Variants in IPO7 observed in about 807,000 individuals in gnomAD.
IPO7 encodes importin 7.
IPO7 carries 13 observed loss-of-function variants against 136.4 expected under a neutral mutation model. The observed-to-expected ratio is 0.10, with a 90% CI of 0.06 to 0.15. The LOEUF (loss-of-function observed/expected upper bound fraction) is 0.15, where lower values mean the gene tolerates loss of function less well. IPO7 is among the 10% of genes least tolerant of loss of function. The pLI, the probability that IPO7 is intolerant of heterozygous loss-of-function variation, is 1.00. For synonymous variants in IPO7, 403 were observed against 404.4 expected (o/e 1.00, Z 0.04); for missense variants, 857 against 1,240.6 (o/e 0.69, Z 4.65).
Position 9,425,207 on chromosome 11 carries a change from G to T in IPO7, c.1280G>T (p.Arg427Leu). The T allele has an allele frequency of 6.2e-7, 1 of 1,612,102 alleles. No individual in the cohort carries two copies. ...CTTACAGAACCAAATGCTGACCCTC[G>T]AAAAAAAGATGGAGCCCTGCATATG... Reference protein sequence around the residue: ...QILTEPNADPRKKDGALHMIG... With the variant: ...QILTEPNADPLKKDGALHMIG... The change falls in exon 12 of 25, where the codon CGA (arginine) becomes CTA (leucine). Residue 427 changes from arginine to leucine, a missense_variant. Arg to Leu is a moderately radical substitution (Grantham distance 102). Around this residue, in one of 11 missense-constraint regions of IPO7, gnomAD observed 127 missense variants for 222.4 expected, o/e 0.57. Transcript: ENST00000379719.
At chr11:9,384,872 C>T (rs1330872261) in intron 1 of IPO7, 25 bp downstream of exon 1, 16 of 1,562,496 alleles carry the variant, frequency 1.0e-5, no homozygotes, top group East Asian at 2.4e-5. Context: ...CTAGCGGTGG[C>T]GGCGGGCAGG....
At chr11:9,431,130 A>G in intron 16 of IPO7, 127 bp downstream of exon 16, 2 of 615,624 alleles carry the variant, frequency 3.2e-6, no homozygotes, top group South Asian at 5.6e-5. Flanking sequence ...TAAGATTGGT[A>G]CATTATATTT....
intron 4 of IPO7, among the ~76,000 whole-genome samples, chr11:9,412,992 G>A (rs1301327843): frequency 6.9e-6 from 1 of 144,656 alleles, no homozygotes; most frequent in Non-Finnish European, 1.5e-5. Flanking sequence ...CCATTCTCCT[G>A]CCTCAGCCTC....
intron 16 of IPO7, among the ~76,000 whole-genome samples, chr11:9,431,430 G>A (rs1855292485): frequency 6.7e-6 from 1 of 149,442 alleles, no homozygotes; most frequent in South Asian, 2.1e-4. Flanking sequence ...TTCTTTTCTA[G>A]TTGTCTTTTG....
intron 3 of IPO7, among the ~76,000 whole-genome samples, chr11:9,409,477 G>A (rs1416336063): frequency 6.6e-6 from 1 of 151,758 alleles, no homozygotes; most frequent in Non-Finnish European, 1.5e-5. Context: ...TAAAACTTGT[G>A]GGCCGGGCAC....
intron 1 of IPO7, among the ~76,000 whole-genome samples, chr11:9,393,866 A>G (rs1854672189): frequency 6.6e-6 from 1 of 152,040 alleles, no homozygotes; most frequent in Non-Finnish European, 1.5e-5. Context: ...TTGGAAAAGT[A>G]ATTTCTAATT....
chr11:9,410,684 G>T (rs1854955871), intron 4 of IPO7, among the ~76,000 whole-genome samples: 1 of 152,150 alleles, frequency 6.6e-6, no homozygotes, highest in Non-Finnish European at 1.5e-5. Context: ...TTGTTTTAGG[G>T]ATCAGGAAAA....
intron 8 of IPO7, 59 bp from the exon 9 acceptor site, chr11:9,422,947 T>C: frequency 9.0e-7 from 1 of 1,113,058 alleles, no homozygotes; most frequent in South Asian, 1.9e-5. Flanking sequence ...TTTACTGGCT[T>C]GTAAGTGGTT....
intron 1 of IPO7, among the ~76,000 whole-genome samples, chr11:9,391,833 A>T (rs915566973): frequency 6.6e-6 from 1 of 152,114 alleles, no homozygotes; most frequent in Non-Finnish European, 1.5e-5. Context: ...TAGTATGAAC[A>T]TGGCTCACGG....
At chr11:9,434,618 C>G (rs1202868698) in intron 18 of IPO7, among the ~76,000 whole-genome samples, 3 of 152,156 alleles carry the variant, frequency 2.0e-5, no homozygotes, top group Admixed American at 2.0e-4. Context: ...CTATTAGACC[C>G]TGTCTCTAAA....
At chr11:9,429,991 G>A (rs1344034482) in intron 15 of IPO7, among the ~76,000 whole-genome samples, 157 bp downstream of exon 15, 1 of 152,098 alleles carries the variant, frequency 6.6e-6, no homozygotes, top group Non-Finnish European at 1.5e-5. Flanking sequence ...CAGATGGTCC[G>A]GGGGAGATGG....
chr11:9,393,133 T>C (rs1854660216), intron 1 of IPO7, among the ~76,000 whole-genome samples: 1 of 152,030 alleles, frequency 6.6e-6, no homozygotes, highest in Admixed American at 6.6e-5. Context: ...GCAATTGGAA[T>C]GTGGAGCTGA....
chr11:9,435,947 G>T (rs1448258360), intron 19 of IPO7, among the ~76,000 whole-genome samples: 1 of 152,108 alleles, frequency 6.6e-6, no homozygotes, highest in African/African-American at 2.4e-5. Flanking sequence ...AGGTGTTTTA[G>T]CTACCACCTG....
intron 3 of IPO7, 103 bp downstream of exon 3, chr11:9,408,742 T>A: frequency 2.6e-6 from 2 of 763,560 alleles, no homozygotes; most frequent in South Asian, 4.8e-5. Flanking sequence ...AGATGGACTT[T>A]CCCTCTGTGG....
intron 1 of IPO7, among the ~76,000 whole-genome samples, chr11:9,391,174 C>T (rs111869532): frequency 0.021 from 3,065 of 149,494 alleles, 101 homozygotes; most frequent in African/African-American, 0.07. Context: ...CCGAGGTGGG[C>T]GGATCACAAG....
At chr11:9,440,008 A>G (rs1855439434) in intron 22 of IPO7, among the ~76,000 whole-genome samples, 1 of 152,252 alleles carries the variant, frequency 6.6e-6, no homozygotes, top group African/African-American at 2.4e-5. Context: ...ACATTATGTT[A>G]ATTAAATGTT....
At chr11:9,443,160 G>A (rs1295204106) in intron 24 of IPO7, among the ~76,000 whole-genome samples, 4 of 151,974 alleles carry the variant, frequency 2.6e-5, no homozygotes, top group African/African-American at 7.3e-5. Flanking sequence ...CCGACATCAC[G>A]CCATTGCACT....
chr11:9,419,764 G>A (rs1019685297), intron 6 of IPO7, among the ~76,000 whole-genome samples: 4 of 151,394 alleles, frequency 2.6e-5, no homozygotes, highest in Non-Finnish European at 4.4e-5. Flanking sequence ...ACAAATCGTT[G>A]CGCATTTATA....
Position 9,422,419 on chromosome 11 carries a change from T to TA in IPO7, c.907-580dup, listed in dbSNP as rs1192501099. 6.6e-5 allele frequency among the ~76,000 whole-genome samples: 10 copies of TA among 151,648 alleles called. 1 individual carries two copies. Among genetic ancestry groups the TA allele is most frequent in the African/African-American group, 2.2e-4 (9 of 41,338 alleles). On this transcript the variant is annotated intron_variant, in intron 8 of 24. Coordinates refer to ENST00000379719, the MANE Select transcript of IPO7 (RefSeq NM_006391.3). ...CAAAACACAGTTTTGTTTTTTTTTTTAAAAAAAGACAATATCATTATGAAA... is the reference window on the plus strand; with the variant it reads ...CAAAACACAGTTTTGTTTTTTTTTTTAAAAAAAAGACAATATCATTATGAAA...
Sources: allele counts gnomAD v4.1 joint callset (sites outside exome capture counted in the v4.1 genomes callset), GRCh38; gene constraint gnomAD v4.1.1; regional missense constraint gnomAD v4.1.1; transcripts MANE v1.5; gene names NCBI Gene and HGNC (gene_info 2026-07-23, HGNC 2026-07-21).